CNTN4: variants seen among roughly 807,000 people sequenced by gnomAD.
CNTN4 encodes the protein contactin-4.
CNTN4 carries 77 observed loss-of-function variants against 122.5 expected under a neutral mutation model. That is an observed-to-expected ratio of 0.63 (90% CI 0.52 to 0.76). The LOEUF (loss-of-function observed/expected upper bound fraction) is 0.76, where lower values mean the gene tolerates loss of function less well. CNTN4 is among the 30% of genes least tolerant of loss of function. The pLI, the probability that CNTN4 is intolerant of heterozygous loss-of-function variation, is 0.00. For synonymous variants in CNTN4, 512 were observed against 447.0 expected (o/e 1.15, Z -1.83); for missense variants, 1,256 against 1,259.1 (o/e 1.00, Z 0.04).
chr3:2,323,326 T>C (rs534729686), intron 2 of CNTN4, among the ~76,000 whole-genome samples: 2 of 152,194 alleles, frequency 1.3e-5, no homozygotes, highest in East Asian at 1.9e-4. Context: ...GGGCAAGTGA[T>C]TGGAAATTGT....
intron 10 of CNTN4, among the ~76,000 whole-genome samples, chr3:2,894,387 C>T (rs888908083): frequency 1.3e-5 from 2 of 152,130 alleles, no homozygotes; most frequent in African/African-American, 4.8e-5. Context: ...TTTTGAGAGG[C>T]TCTGGACAGA....
chr3:2,969,515 G>GTATTATTATTAT (rs1692666527), intron 13 of CNTN4, among the ~76,000 whole-genome samples: 1 of 143,614 alleles, frequency 7.0e-6, no homozygotes. Flanking sequence ...AGGAAAATTG[G>GTATTATTATTAT]GATTATTATT....
intron 13 of CNTN4, among the ~76,000 whole-genome samples, chr3:2,980,071 A>G (rs1693815049): frequency 6.6e-6 from 1 of 152,192 alleles, no homozygotes; most frequent in African/African-American, 2.4e-5. Context: ...AGGACTGACA[A>G]TGTCAACTTT....
chr3:2,466,777 A>G (rs959530596), intron 3 of CNTN4, among the ~76,000 whole-genome samples: 9 of 152,222 alleles, frequency 5.9e-5, no homozygotes, highest in African/African-American at 1.9e-4. Context: ...AATGAGCATA[A>G]TAAGTGAACA....
At chr3:2,874,475 C>G (rs1478376454) in intron 8 of CNTN4, among the ~76,000 whole-genome samples, 3 of 152,162 alleles carry the variant, frequency 2.0e-5, no homozygotes, top group East Asian at 1.9e-4. Context: ...TTTGATCATG[C>G]ATTTAACCAA....
chr3:2,749,239 C>G (rs1268892913), intron 6 of CNTN4, among the ~76,000 whole-genome samples: 1 of 152,094 alleles, frequency 6.6e-6, no homozygotes, highest in African/African-American at 2.4e-5. Context: ...CCTCAGCTCA[C>G]TGCAACCTCC....
intron 4 of CNTN4, among the ~76,000 whole-genome samples, chr3:2,702,215 T>C (rs1294379619): frequency 1.3e-5 from 2 of 152,212 alleles, no homozygotes; most frequent in Non-Finnish European, 2.9e-5. Flanking sequence ...CATCTTGATT[T>C]ACACCCTACT....
chr3:2,192,237 G>T (rs1158340857), intron 2 of CNTN4, among the ~76,000 whole-genome samples: 2 of 152,098 alleles, frequency 1.3e-5, no homozygotes, highest in East Asian at 3.9e-4. Context: ...TCCTTTGGGT[G>T]TATACCCATT....
At chr3:2,256,450 C>G (rs1325852458) in intron 2 of CNTN4, among the ~76,000 whole-genome samples, 1 of 152,158 alleles carries the variant, frequency 6.6e-6, no homozygotes, top group African/African-American at 2.4e-5. Flanking sequence ...GTGAGGTCAG[C>G]ATCATCCTGA....
chr3:2,911,434 C>G (rs2094298706), intron 12 of CNTN4, among the ~76,000 whole-genome samples: 2 of 152,172 alleles, frequency 1.3e-5, no homozygotes, highest in South Asian at 2.1e-4. Context: ...TGCGGAATCT[C>G]TAGCTGGACT....
At chr3:2,333,523 A>T (rs2043820967) in intron 2 of CNTN4, among the ~76,000 whole-genome samples, 1 of 152,234 alleles carries the variant, frequency 6.6e-6, no homozygotes, top group Non-Finnish European at 1.5e-5. Context: ...TATTGTACCC[A>T]ATGAAAGTCC....
chr3:2,273,999 C>T (rs1262786992), intron 2 of CNTN4, among the ~76,000 whole-genome samples: 1 of 152,022 alleles, frequency 6.6e-6, no homozygotes, highest in African/African-American at 2.4e-5. Flanking sequence ...GAGAAAACAA[C>T]CCATGTTGGA....
chr3:2,770,191 G>A lies in CNTN4; in HGVS notation c.358+24494G>A, dbSNP rs148178704. Among the ~76,000 whole-genome samples, 524 of 152,104 alleles carry A rather than the reference G, an allele frequency of 3.4e-3. 3 individuals carry two copies. The highest frequency in any genetic ancestry group is 0.012 in the African/African-American group (506 of 41,504). On this transcript the variant is annotated intron_variant, in intron 6 of 24. Transcript: ENST00000418658. Reference sequence around the variant, plus strand: ...ACTACAGGCACGCGTCATCATGCCCGGCTAACGTTTGTATTTTTAGTAGAG... The same window carrying A: ...ACTACAGGCACGCGTCATCATGCCCAGCTAACGTTTGTATTTTTAGTAGAG...
intron 4 of CNTN4, among the ~76,000 whole-genome samples, chr3:2,695,524 C>G (rs2085979138): frequency 6.6e-6 from 1 of 152,152 alleles, no homozygotes; most frequent in Non-Finnish European, 1.5e-5. Context: ...TATATCAGTT[C>G]CAACATCTGA....
chr3:3,007,482 G>A (rs778587840), intron 14 of CNTN4, among the ~76,000 whole-genome samples: 10 of 152,178 alleles, frequency 6.6e-5, no homozygotes, highest in Non-Finnish European at 1.2e-4. Context: ...GTGTCACCTG[G>A]CTCTGCCTGT....
intron 3 of CNTN4, among the ~76,000 whole-genome samples, chr3:2,343,518 A>G (rs1264022661): frequency 6.6e-6 from 1 of 152,192 alleles, no homozygotes; most frequent in Non-Finnish European, 1.5e-5. Context: ...TCATTTACAT[A>G]GTGTAACTAA....
chr3:2,969,528 T>TATG (rs891735035), intron 13 of CNTN4, among the ~76,000 whole-genome samples: 1 of 132,618 alleles, frequency 7.5e-6, no homozygotes, highest in Admixed American at 7.0e-5. Context: ...TTATTATTAT[T>TATG]ATTATTATTA....
chr3:3,003,507 A>G (rs1339626471), intron 14 of CNTN4, among the ~76,000 whole-genome samples: 2 of 152,106 alleles, frequency 1.3e-5, no homozygotes, highest in African/African-American at 4.8e-5. Flanking sequence ...GCCACATACT[A>G]TATGATTCCA....
chr3:2,557,184 CA>C (rs941137136), intron 3 of CNTN4, among the ~76,000 whole-genome samples: 1 of 152,086 alleles, frequency 6.6e-6, no homozygotes, highest in African/African-American at 2.4e-5. Context: ...AAAATTACTA[CA>C]GTTTCTCCTA....
Sources: allele counts gnomAD v4.1 joint callset (sites outside exome capture counted in the v4.1 genomes callset), GRCh38; gene constraint gnomAD v4.1.1; transcripts MANE v1.5; gene names NCBI Gene and HGNC (gene_info 2026-07-23, HGNC 2026-07-21).